The following CCSER1 variants were observed in gnomAD, a reference collection of about 807,000 sequenced individuals.
CCSER1 encodes coiled-coil serine rich protein 1.
A neutral mutation model predicts 82.0 loss-of-function variants in CCSER1; 41 were observed. The ratio of observed to expected loss-of-function variants is 0.50; its 90% CI spans 0.39 to 0.65. The LOEUF is 0.65. Ranked by LOEUF, CCSER1 falls within the 30% of genes least tolerant of loss-of-function variation. The pLI, the probability that CCSER1 is intolerant of heterozygous loss-of-function variation, is 0.00. For synonymous variants in CCSER1, 414 were observed against 383.9 expected (o/e 1.08, Z -0.92); for missense variants, 1,119 against 1,064.2 (o/e 1.05, Z -0.72).
At chr4:91,444,431 AT>A (rs1054546578) in intron 10 of CCSER1, among the ~76,000 whole-genome samples, 1 of 141,724 alleles carries the variant, frequency 7.1e-6, no homozygotes, top group Non-Finnish European at 1.5e-5. Flanking sequence ...AGCACAAATC[AT>A]TTTTTTTAAA....
chr4:90,705,355 C>T (rs149700670), intron 6 of CCSER1, among the ~76,000 whole-genome samples: 135 of 152,306 alleles, frequency 8.9e-4, no homozygotes, highest in African/African-American at 3.0e-3. Flanking sequence ...GAGAGGTACC[C>T]GGCCATGTGA....
At chr4:90,234,757 T>C (rs1173872142) in intron 1 of CCSER1, among the ~76,000 whole-genome samples, 1 of 152,200 alleles carries the variant, frequency 6.6e-6, no homozygotes, top group Non-Finnish European at 1.5e-5. Flanking sequence ...TTCCATCTTA[T>C]ACACAATAAA....
chr4:90,153,036 T>TC (rs995110171), intron 1 of CCSER1, among the ~76,000 whole-genome samples: 1 of 57,748 alleles, frequency 1.7e-5, no homozygotes, highest in East Asian at 5.8e-4. Context: ...CCCTCCCCCC[T>TC]CCCCCCACCC....
chr4:90,801,054 C>G (rs1436116527), intron 7 of CCSER1, among the ~76,000 whole-genome samples: 1 of 151,732 alleles, frequency 6.6e-6, no homozygotes, highest in African/African-American at 2.4e-5. Flanking sequence ...ATTGTTAGTT[C>G]AAAAAAATGA....
chr4:91,450,874 ACAAT>A lies in CCSER1; in HGVS notation c.2218-147696_2218-147693del, dbSNP rs548296399. Among the ~76,000 whole-genome samples, 317 of 152,176 alleles carry A rather than the reference ACAAT, an allele frequency of 2.1e-3. 2 individuals carry two copies. The highest frequency in any genetic ancestry group is 0.02 in the Middle Eastern group (6 of 294). On this transcript the variant is annotated intron_variant, in intron 10 of 10. Transcript: ENST00000509176. ...GCTCAGACAGGGCTAGGAGTAATTC[ACAAT>A]CCAAAAAGCCAGGATGGGAAAAAAG...
chr4:91,253,070 G>C (rs1206512870), intron 10 of CCSER1, among the ~76,000 whole-genome samples: 1 of 151,546 alleles, frequency 6.6e-6, no homozygotes, highest in South Asian at 2.1e-4. Flanking sequence ...GCATGGGCTT[G>C]AACTGCATGG....
At chr4:90,415,396 A>G (rs1010078673) in intron 4 of CCSER1, among the ~76,000 whole-genome samples, 1 of 152,200 alleles carries the variant, frequency 6.6e-6, no homozygotes, top group African/African-American at 2.4e-5. Context: ...AATAAAATCG[A>G]TTAACTTTTT....
At chr4:90,633,890 TC>T (rs1053072137) in intron 6 of CCSER1, among the ~76,000 whole-genome samples, 2 of 151,792 alleles carry the variant, frequency 1.3e-5, no homozygotes, top group Non-Finnish European at 3.0e-5. Context: ...ACATTCATAT[TC>T]CCAGCAACTT....
chr4:90,275,284 G>A (rs1224588056), intron 1 of CCSER1, among the ~76,000 whole-genome samples: 1 of 152,096 alleles, frequency 6.6e-6, no homozygotes, highest in Non-Finnish European at 1.5e-5. Flanking sequence ...TCACATAAGT[G>A]TGACTTTTAA....
intron 10 of CCSER1, among the ~76,000 whole-genome samples, chr4:91,379,703 T>C (rs995469495): frequency 1.3e-5 from 2 of 152,218 alleles, no homozygotes; most frequent in Non-Finnish European, 2.9e-5. Context: ...AACCAGGTCC[T>C]GGATTCATTG....
intron 9 of CCSER1, among the ~76,000 whole-genome samples, chr4:91,003,156 G>A (rs1738192146): frequency 6.6e-6 from 1 of 152,206 alleles, no homozygotes; most frequent in Non-Finnish European, 1.5e-5. Flanking sequence ...AGGTGGCAGG[G>A]GGGTGAAATG....
At chr4:91,297,377 GTGTGTGTA>G (rs879494515) in intron 10 of CCSER1, among the ~76,000 whole-genome samples, 2,718 of 103,504 alleles carry the variant, frequency 0.026, 39 homozygotes, top group African/African-American at 0.073. Flanking sequence ...GTGTGTGTGT[GTGTGTGTA>G]TGTGTGTGTG....
At chr4:91,589,574 C>CTTTTTTTT (rs11411865) in intron 10 of CCSER1, among the ~76,000 whole-genome samples, 1 of 144,610 alleles carries the variant, frequency 6.9e-6, no homozygotes, top group Non-Finnish European at 1.5e-5. Flanking sequence ...ACAAGAGGCT[C>CTTTTTTTT]TTTTTTTTTT....
At chr4:91,311,135 G>A (rs1745445092) in intron 10 of CCSER1, among the ~76,000 whole-genome samples, 1 of 151,882 alleles carries the variant, frequency 6.6e-6, no homozygotes. Context: ...AGAAGATAGG[G>A]TTCATCTGAC....
intron 1 of CCSER1, among the ~76,000 whole-genome samples, chr4:90,240,994 A>T (rs946233126): frequency 2.0e-5 from 3 of 152,144 alleles, no homozygotes; most frequent in Non-Finnish European, 4.4e-5. Flanking sequence ...GTATCAATAG[A>T]CTCTATTCTA....
chr4:90,861,974 G>T (rs1765162747), intron 8 of CCSER1, among the ~76,000 whole-genome samples: 1 of 147,642 alleles, frequency 6.8e-6, no homozygotes, highest in South Asian at 2.1e-4. Context: ...GATATTGGTG[G>T]GATTGGAGTG....
At chr4:90,229,864 G>A (rs1241718939) in intron 1 of CCSER1, among the ~76,000 whole-genome samples, 10 of 152,118 alleles carry the variant, frequency 6.6e-5, no homozygotes, top group Non-Finnish European at 1.0e-4. Flanking sequence ...AAGATCAAAA[G>A]AGACAAAGAA....
intron 1 of CCSER1, among the ~76,000 whole-genome samples, chr4:90,253,958 C>T (rs1291358676): frequency 6.6e-6 from 1 of 152,170 alleles, no homozygotes; most frequent in Admixed American, 6.6e-5. Flanking sequence ...GATTGCTCTA[C>T]AGTCTGATCC....
chr4:90,470,762 CAA>C (rs754754971), intron 5 of CCSER1, among the ~76,000 whole-genome samples: 8 of 71,240 alleles, frequency 1.1e-4, no homozygotes, highest in Admixed American at 3.3e-4. Context: ...TTAATCAAAG[CAA>C]AAAAAAAAAA....
Sources: allele counts gnomAD v4.1 joint callset (sites outside exome capture counted in the v4.1 genomes callset), GRCh38; gene constraint gnomAD v4.1.1; transcripts MANE v1.5; gene names NCBI Gene and HGNC (gene_info 2026-07-23, HGNC 2026-07-21).